CADPS2: variants seen among roughly 807,000 people sequenced by gnomAD.
CADPS2 encodes calcium-dependent secretion activator 2.
In CADPS2, 93 loss-of-function variants were observed where a neutral mutation model predicts 172.5. The observed-to-expected ratio is 0.54, with a 90% CI of 0.46 to 0.64. CADPS2 has a LOEUF of 0.64. Ranked by LOEUF, CADPS2 falls within the 30% of genes least tolerant of loss-of-function variation. The pLI is 0.00. For synonymous variants in CADPS2, 546 were observed against 555.2 expected, an observed-to-expected ratio of 0.98 and a Z score of 0.23; for missense variants, 1,420 against 1,565.9, an observed-to-expected ratio of 0.91 and a Z score of 1.57.
At chr7:122,781,358 T>C (rs538409113) in intron 1 of CADPS2, among the ~76,000 whole-genome samples, 1 of 152,304 alleles carries the variant, frequency 6.6e-6, no homozygotes, top group South Asian at 2.1e-4. Flanking sequence ...TTATAGCCTC[T>C]TCTGCCATTC....
intron 3 of CADPS2, among the ~76,000 whole-genome samples, chr7:122,650,826 A>C (rs1424794588): frequency 6.6e-6 from 1 of 152,200 alleles, no homozygotes; most frequent in Non-Finnish European, 1.5e-5. Context: ...ACTCAAATTC[A>C]TTTTAGTAAA....
chr7:122,448,626 G>A (rs2052623190), intron 15 of CADPS2, among the ~76,000 whole-genome samples: 1 of 152,232 alleles, frequency 6.6e-6, no homozygotes, highest in South Asian at 2.1e-4. Context: ...TGGTAGTGTG[G>A]GGAATTGAAG....
intron 13 of CADPS2, among the ~76,000 whole-genome samples, chr7:122,472,536 G>A (rs1291055926): frequency 6.6e-6 from 1 of 152,070 alleles, no homozygotes; most frequent in African/African-American, 2.4e-5. Flanking sequence ...CACTTTCTAG[G>A]CAAATCACAC....
chr7:122,398,588 G>A (rs1238419466), intron 20 of CADPS2, among the ~76,000 whole-genome samples: 1 of 152,122 alleles, frequency 6.6e-6, no homozygotes, highest in Non-Finnish European at 1.5e-5. Context: ...AAGCACAGTG[G>A]ACTAAGAAAA....
chr7:122,721,810 G>A (rs1442395602), intron 2 of CADPS2, among the ~76,000 whole-genome samples: 2 of 152,186 alleles, frequency 1.3e-5, no homozygotes, highest in East Asian at 3.9e-4. Flanking sequence ...CTGGCAAACT[G>A]AATCCAGCAG....
At chr7:122,706,048 ATTTATATATTCAAGGAATATATATATG>A (rs2087364388) in intron 2 of CADPS2, among the ~76,000 whole-genome samples, 3 of 100,768 alleles carry the variant, frequency 3.0e-5, no homozygotes, top group Admixed American at 1.6e-4. Flanking sequence ...ATATTCAAGG[ATTTATATATTCAAGGAATATATATATG>A]TTTATATATT....
At chr7:122,575,505 C>T (rs921229518) in intron 7 of CADPS2, among the ~76,000 whole-genome samples, 8 of 151,186 alleles carry the variant, frequency 5.3e-5, no homozygotes, top group Non-Finnish European at 1.0e-4. Context: ...GGCACGATCT[C>T]GGCTCACTGC....
intron 1 of CADPS2, among the ~76,000 whole-genome samples, chr7:122,762,160 G>C (rs1203680736): frequency 6.6e-6 from 1 of 151,386 alleles, no homozygotes; most frequent in East Asian, 1.9e-4. Flanking sequence ...ACTCAATAGA[G>C]GCGTTGGAAG....
chr7:122,416,299 A>C, intron 17 of CADPS2, 135 bp from the exon 18 acceptor site: 1 of 440,868 alleles, frequency 2.3e-6, no homozygotes, highest in Admixed American at 3.6e-5. Flanking sequence ...ATTTAGACAA[A>C]AAAAAAAAAA....
At chr7:122,482,117 T>A (rs965011670) in intron 11 of CADPS2, among the ~76,000 whole-genome samples, 1 of 150,982 alleles carries the variant, frequency 6.6e-6, no homozygotes, top group Admixed American at 6.6e-5. Flanking sequence ...CAAGCAACAA[T>A]AGCCACGAGC....
At chr7:122,691,659 T>C (rs781676226) in intron 2 of CADPS2, among the ~76,000 whole-genome samples, 2 of 152,214 alleles carry the variant, frequency 1.3e-5, no homozygotes, top group African/African-American at 2.4e-5. Flanking sequence ...TGAAAGTCCA[T>C]TGTCACCCTC....
At chr7:122,552,735 T>C (rs1475937070) in intron 8 of CADPS2, among the ~76,000 whole-genome samples, 2 of 150,852 alleles carry the variant, frequency 1.3e-5, no homozygotes, top group African/African-American at 2.4e-5. Context: ...GTACTGGCCA[T>C]GGGTAAATTA....
At chr7:122,752,903 CAA>C (rs1390389110) in intron 1 of CADPS2, among the ~76,000 whole-genome samples, 3 of 151,940 alleles carry the variant, frequency 2.0e-5, no homozygotes, top group African/African-American at 7.3e-5. Flanking sequence ...GAAAGACAAA[CAA>C]GAGAGGGCAG....
At chr7:122,795,287 C>A (rs1181322106) in intron 1 of CADPS2, among the ~76,000 whole-genome samples, 1 of 151,924 alleles carries the variant, frequency 6.6e-6, no homozygotes, top group Admixed American at 6.6e-5. Flanking sequence ...TTACCACTGA[C>A]CCCATAGAAA....
chr7:122,487,530 A>G (rs952232843), intron 11 of CADPS2, among the ~76,000 whole-genome samples: 1 of 152,222 alleles, frequency 6.6e-6, no homozygotes, highest in Non-Finnish European at 1.5e-5. Context: ...ATAGCAAAAA[A>G]GCACATGAAA....
At chr7:122,393,403 G>A (rs1289418432) in intron 21 of CADPS2, 38 bp downstream of exon 21, 1 of 1,613,104 alleles carries the variant, frequency 6.2e-7, no homozygotes, top group South Asian at 1.1e-5. Flanking sequence ...CAGGGTTGAA[G>A]AGGCAGGTGC....
chr7:122,718,660 T>C (rs568566001), intron 2 of CADPS2, among the ~76,000 whole-genome samples: 6 of 152,200 alleles, frequency 3.9e-5, no homozygotes, highest in East Asian at 3.9e-4. Context: ...ACTGATCAAA[T>C]GGGGCCGTGT....
intron 1 of CADPS2, among the ~76,000 whole-genome samples, chr7:122,881,495 C>T (rs539211068): frequency 3.3e-5 from 5 of 152,286 alleles, no homozygotes; most frequent in African/African-American, 4.8e-5. Context: ...TGGTTTCCAA[C>T]TCACTCCCAA....
intron 2 of CADPS2, among the ~76,000 whole-genome samples, chr7:122,665,675 T>C (rs1333402366): frequency 6.6e-6 from 1 of 152,230 alleles, no homozygotes; most frequent in East Asian, 1.9e-4. Flanking sequence ...AGGACGGCTG[T>C]ATAGGCAGTC....
Sources: allele counts gnomAD v4.1 joint callset (sites outside exome capture counted in the v4.1 genomes callset), GRCh38; gene constraint gnomAD v4.1.1; transcripts MANE v1.5; gene names NCBI Gene and HGNC (gene_info 2026-07-23, HGNC 2026-07-21).